The following ARMC12 variants were observed in gnomAD, a reference collection of about 807,000 sequenced individuals.
The protein encoded by ARMC12 is armadillo repeat-containing protein 12.
In ARMC12, 25 loss-of-function variants were observed where a neutral mutation model predicts 37.4. The observed-to-expected ratio is 0.67, with a 90% CI of 0.49 to 0.93. ARMC12 has a LOEUF of 0.93. Ranked by LOEUF, ARMC12 falls within the 40% of genes least tolerant of loss-of-function variation. The pLI, the probability that ARMC12 is intolerant of heterozygous loss-of-function variation, is 0.00. For synonymous variants in ARMC12, 167 were observed against 176.1 expected (o/e 0.95, Z 0.41); for missense variants, 384 against 426.6 (o/e 0.90, Z 0.88).
In ARMC12 at chr6:35,737,188, C is replaced by T. The variant is rs1273414196; in HGVS notation, c.80C>T (p.Ala27Val). ...GTCAGCCTGGCCACAGGCGCCGGGG[C>T]GATCTACCTGCTCTACAAGGCCATC... ...SVVSLATGAG[A>V]IYLLYKAIKA... The change falls in exon 1 of 6, where the codon GCG becomes GTG. Residue 27 changes from alanine (A) to valine (V), a missense_variant. Transcript: ENST00000373866. 24 of 1,614,220 alleles carry T rather than the reference C, an allele frequency of 1.5e-5. No homozygotes were observed. The highest frequency in any genetic ancestry group is 1.7e-5 in the Non-Finnish European group (20 of 1,180,040).
chr6:35,733,433 A>G (rs1215106380), upstream of ARMC12, among the ~76,000 whole-genome samples: 1 of 152,196 alleles, frequency 6.6e-6, no homozygotes, highest in Non-Finnish European at 1.5e-5. Context: ...CAATCCCATG[A>G]AGTAAGTCTT....
In ARMC12 at chr6:35,740,897, G is replaced by GTTTTTTT. The variant is rs11365534; in HGVS notation, c.444+2393_444+2399dup. 5.2e-4 allele frequency among the ~76,000 whole-genome samples: 61 copies of GTTTTTTT among 116,380 alleles called. 1 individual carries two copies. The East Asian group carries it at 0.012, about 24-fold the overall frequency. The allele number at this position is 116,380 out of a possible 152,430, so 76.3% of individuals were successfully genotyped here. A position where few individuals can be genotyped will look rare whatever the true frequency, so the allele number is the denominator to read the frequency against. ...TATTGGGCAGCTCTGCTTCCTTCTGGTTTTTTTTTTTTTTTTTTTTGAGAC... is the reference window on the plus strand; with the variant it reads ...TATTGGGCAGCTCTGCTTCCTTCTGGTTTTTTTTTTTTTTTTTTTTTTTTTTTGAGAC... On this transcript the variant is annotated intron_variant, in intron 3 of 5. Coordinates refer to ENST00000373866, the MANE Select transcript of ARMC12 (RefSeq NM_001286574.2).
rs1767022576 is a variant in ARMC12 at position 35,737,950 on chromosome 6, C to A, written c.164-77C>A. 4.4e-6 allele frequency: 7 copies of A among 1,595,982 alleles called. No homozygotes were observed. In the East Asian group the frequency reaches 1.6e-4, roughly 36 times the overall value. Reference sequence around the variant, plus strand: ...GCAAGGCAGCCTTGTCCCCAAGTCCCTGTCCCCTACTTCCCAACCCCATTC... The same window carrying A: ...GCAAGGCAGCCTTGTCCCCAAGTCCATGTCCCCTACTTCCCAACCCCATTC... On this transcript the variant is annotated intron_variant, in intron 1 of 5. Transcript: ENST00000373866.
At chr6:35,740,255 C>T (rs1286117554) in intron 3 of ARMC12, among the ~76,000 whole-genome samples, 1 of 152,142 alleles carries the variant, frequency 6.6e-6, no homozygotes. Flanking sequence ...TGCTATCATA[C>T]CCCCAAACTT....
intron 3 of ARMC12, among the ~76,000 whole-genome samples, chr6:35,740,250 T>C (rs1473563230): frequency 1.3e-5 from 2 of 152,060 alleles, no homozygotes; most frequent in Non-Finnish European, 2.9e-5. Flanking sequence ...TTCCCTGCTA[T>C]CATACCCCCA....
At chr6:35,747,183 C>T in intron 3 of ARMC12, 78 bp from the exon 4 acceptor site, 16 of 1,505,574 alleles carry the variant, frequency 1.1e-5, no homozygotes, top group Non-Finnish European at 1.4e-5. Flanking sequence ...TCCATGGGGA[C>T]AGTGAAGAGT....
chr6:35,742,753 G>A (rs1339392287), intron 3 of ARMC12, among the ~76,000 whole-genome samples: 2 of 152,106 alleles, frequency 1.3e-5, no homozygotes, highest in Non-Finnish European at 2.9e-5. Flanking sequence ...TTCCCCATGG[G>A]CAGCTGCTAC....
intron 3 of ARMC12, among the ~76,000 whole-genome samples, chr6:35,744,210 C>T (rs1010515539): frequency 1.3e-5 from 2 of 152,052 alleles, no homozygotes; most frequent in Non-Finnish European, 2.9e-5. Context: ...GGCACAATCT[C>T]GGCTCACTGC....
chr6:35,747,291 T>G lies in ARMC12; in HGVS notation c.475T>G (p.Ser159Ala), dbSNP rs1453678217. The G allele has an allele frequency of 6.2e-7, 1 of 1,612,946 alleles. No homozygotes were observed. The highest frequency in any genetic ancestry group is 1.7e-5 in the Admixed American group (1 of 60,012). ...EHSIKVLELI[S>A]TIWDTELHIA... ...CTCCATCAAAGTACTCGAACTGATC[T>G]CCACCATCTGGGACACGGAACTGCA... Residue 159 changes from serine (S) to alanine (A), a missense_variant, in exon 4 of 6, where the codon TCC becomes GCC. Ser to Ala is a moderately conservative substitution (Grantham distance 99). Coordinates refer to ENST00000373866, the MANE Select transcript of ARMC12 (RefSeq NM_001286574.2).
chr6:35,737,865 A>G (rs1767019658), intron 1 of ARMC12, 162 bp from the exon 2 acceptor site: 2 of 891,560 alleles, frequency 2.2e-6, no homozygotes. Flanking sequence ...CTTGTGCAGT[A>G]AACATTCGTT....
chr6:35,738,615 T>C, intron 3 of ARMC12, 97 bp downstream of exon 3: 1 of 1,491,860 alleles, frequency 6.7e-7, no homozygotes, highest in Non-Finnish European at 9.0e-7. Context: ...AGAAGTTTGT[T>C]TGGGTGTGAA....
chr6:35,738,346 G>T (rs112640777), intron 2 of ARMC12, 38 bp from the exon 3 acceptor site: 2 of 1,595,140 alleles, frequency 1.3e-6, no homozygotes, highest in South Asian at 1.1e-5. Flanking sequence ...CAGAACACCC[G>T]CTTCTCCTGC....
rs534932681 is a variant in ARMC12, at chr6:35,748,603, G to C, written c.756G>C (p.Leu252=). The C allele has an allele frequency of 2.5e-6, 4 of 1,597,368 alleles. No homozygotes were observed. The Admixed American group carries it at 6.7e-5, about 27-fold the overall frequency. Residue 252 remains leucine, a synonymous_variant, in exon 6 of 6, where the codon CTG becomes CTC. Coordinates refer to ENST00000373866, the MANE Select transcript of ARMC12 (RefSeq NM_001286574.2). ...TQSGSLLYEV[L]VFAERLSEGR... ...CAGGGAGTCTCCTGTATGAGGTACTGGTGTTTGCTGAGCGGCTGAGTGAGG... is the reference window on the plus strand; with the variant it reads ...CAGGGAGTCTCCTGTATGAGGTACTCGTGTTTGCTGAGCGGCTGAGTGAGG...
intron 3 of ARMC12, among the ~76,000 whole-genome samples, chr6:35,740,646 T>TC (rs1230775659): frequency 6.6e-6 from 1 of 152,140 alleles, no homozygotes; most frequent in Admixed American, 6.5e-5. Context: ...CTTGGCTGCC[T>TC]CCCCCACCAG....
intron 3 of ARMC12, among the ~76,000 whole-genome samples, chr6:35,740,814 A>T (rs1343617463): frequency 6.6e-6 from 1 of 151,828 alleles, no homozygotes; most frequent in African/African-American, 2.4e-5. Context: ...ACATGGAAGT[A>T]GATGGTTTCT....
chr6:35,738,048 G>C lies in ARMC12; in HGVS notation c.185G>C (p.Arg62Pro), dbSNP rs138730820. 3.1e-6 allele frequency: 5 copies of C among 1,613,738 alleles called. No homozygotes were observed. The highest frequency in any genetic ancestry group is 2.7e-5 in the African/African-American group (2 of 75,052). The part of the protein sequence containing the change: ...CIARLAVERE[R>P]HGRDSGELRR... Reference sequence around the variant, plus strand: ...CTAGGCCTGGCAGTCGAGCGAGAGCGGCACGGGCGGGACTCAGGTGAGCTC... The same window carrying C: ...CTAGGCCTGGCAGTCGAGCGAGAGCCGCACGGGCGGGACTCAGGTGAGCTC... Residue 62 changes from arginine to proline, a missense_variant, in exon 2 of 6, where the codon CGG (arginine) becomes CCG (proline). Arg to Pro is a moderately radical substitution (Grantham distance 103). Coordinates refer to ENST00000373866, the MANE Select transcript of ARMC12 (RefSeq NM_001286574.2).
chr6:35,737,040 G>A lies in ARMC12; in HGVS notation c.-69G>A. ...TGGTTCCTGACCCTGCCAGAGTTCT[G>A]GTTCCGGAAGGCCCCCCACAGGTGC... is the stretch of plus-strand genomic sequence containing the variant. On this transcript the variant is annotated 5_prime_UTR_variant, in exon 1 of 6. Transcript: ENST00000373866. The A allele has an allele frequency of 6.3e-7, 1 of 1,588,978 alleles. No individual in the cohort carries two copies. The highest frequency in any genetic ancestry group is 8.6e-7 in the Non-Finnish European group (1 of 1,166,660).
At chr6:35,747,132 G>A in intron 3 of ARMC12, 129 bp from the exon 4 acceptor site, 1 of 932,098 alleles carries the variant, frequency 1.1e-6, no homozygotes, top group Non-Finnish European at 1.5e-6. Context: ...ATTATGTTGA[G>A]AGTTAGGGAG....
upstream of ARMC12, among the ~76,000 whole-genome samples, chr6:35,734,417 C>T (rs1766905276): frequency 6.6e-6 from 1 of 152,234 alleles, no homozygotes; most frequent in Admixed American, 6.5e-5. Context: ...TCGCCTCAGC[C>T]TCCCAAAGTG....
Sources: allele counts gnomAD v4.1 joint callset (sites outside exome capture counted in the v4.1 genomes callset), GRCh38; gene constraint gnomAD v4.1.1; transcripts MANE v1.5; gene names NCBI Gene and HGNC (gene_info 2026-07-23, HGNC 2026-07-21).